The following PTPRD variants were observed in gnomAD, a reference collection of about 807,000 sequenced individuals.
The protein encoded by PTPRD is receptor-type tyrosine-protein phosphatase delta.
Under a neutral mutation model 214.5 loss-of-function variants are expected in PTPRD, and 34 were observed. The observed-to-expected ratio is 0.16, with a 90% CI of 0.12 to 0.21. The LOEUF is 0.21. PTPRD is among the 10% of genes least tolerant of loss of function. The pLI is 1.00. For synonymous variants in PTPRD, 1,128 were observed against 845.7 expected (o/e 1.33, Z -5.79); for missense variants, 2,545 against 2,398.7 (o/e 1.06, Z -1.27).
intron 34 of PTPRD, among the ~76,000 whole-genome samples, chr9:8,447,573 T>C (rs1415720357): frequency 6.6e-6 from 1 of 152,178 alleles, no homozygotes; most frequent in African/African-American, 2.4e-5. Context: ...GTTGAAGACA[T>C]TCCTATTCTC....
intron 9 of PTPRD, among the ~76,000 whole-genome samples, chr9:9,345,535 G>A (rs2048457070): frequency 1.3e-5 from 2 of 152,016 alleles, no homozygotes; most frequent in South Asian, 2.1e-4. Flanking sequence ...TCATGATGTA[G>A]TATATTTTTT....
At chr9:9,350,284 A>G (rs1286962434) in intron 9 of PTPRD, among the ~76,000 whole-genome samples, 1 of 152,142 alleles carries the variant, frequency 6.6e-6, no homozygotes, top group Admixed American at 6.6e-5. Flanking sequence ...AAAGCTCAGA[A>G]GCAAATAAGC....
chr9:10,384,145 T>C (rs1435924229), intron 2 of PTPRD, among the ~76,000 whole-genome samples: 2 of 151,422 alleles, frequency 1.3e-5, no homozygotes, highest in Non-Finnish European at 2.9e-5. Flanking sequence ...CAATAATAAT[T>C]TATTCATACA....
At chr9:9,726,511 G>A (rs1000543283) in intron 7 of PTPRD, among the ~76,000 whole-genome samples, 4 of 152,116 alleles carry the variant, frequency 2.6e-5, no homozygotes, top group Non-Finnish European at 4.4e-5. Flanking sequence ...AAGATGCTAT[G>A]TTATTCTTTA....
chr9:9,275,136 AAT>A (rs1432356074), intron 9 of PTPRD, among the ~76,000 whole-genome samples: 1,368 of 51,232 alleles, frequency 0.027, 26 homozygotes, highest in Non-Finnish European at 0.031. Context: ...TATTATATAT[AAT>A]ATATATATAA....
intron 39 of PTPRD, among the ~76,000 whole-genome samples, chr9:8,354,414 C>T (rs1057087316): frequency 3.9e-5 from 6 of 152,088 alleles, no homozygotes; most frequent in Non-Finnish European, 5.9e-5. Flanking sequence ...AACACCAATA[C>T]GAAAAATTTA....
chr9:9,902,890 A>G (rs2076725549), intron 5 of PTPRD, among the ~76,000 whole-genome samples: 1 of 152,108 alleles, frequency 6.6e-6, no homozygotes, highest in East Asian at 1.9e-4. Context: ...AACATTTTCT[A>G]CATTTTTTTG....
chr9:10,431,744 T>C (rs548132276), intron 2 of PTPRD, among the ~76,000 whole-genome samples: 217 of 152,196 alleles, frequency 1.4e-3, no homozygotes, highest in African/African-American at 4.8e-3. Context: ...AGATACCATC[T>C]CACACCAGTT....
At chr9:9,828,734 G>C (rs1380234335) in intron 5 of PTPRD, among the ~76,000 whole-genome samples, 7 of 146,730 alleles carry the variant, frequency 4.8e-5, no homozygotes, top group African/African-American at 1.3e-4. Flanking sequence ...TTTTTACTTT[G>C]CTTGTAGTTA....
At chr9:9,755,457 A>C (rs764273947) in intron 6 of PTPRD, among the ~76,000 whole-genome samples, 3 of 152,182 alleles carry the variant, frequency 2.0e-5, no homozygotes, top group Non-Finnish European at 4.4e-5. Context: ...AGAGCTCCTC[A>C]AACTCTTCCT....
At chr9:9,039,842 T>C (rs1245174362) in intron 10 of PTPRD, among the ~76,000 whole-genome samples, 1 of 152,142 alleles carries the variant, frequency 6.6e-6, no homozygotes, top group African/African-American at 2.4e-5. Flanking sequence ...ACCTTCTGTG[T>C]AGACTAACAA....
chr9:9,872,545 G>A (rs2065765245), intron 5 of PTPRD, among the ~76,000 whole-genome samples: 1 of 152,068 alleles, frequency 6.6e-6, no homozygotes, highest in South Asian at 2.1e-4. Context: ...AGGCTATAGT[G>A]AGTCACTGTA....
chr9:9,685,569 C>T (rs2097152260), intron 7 of PTPRD, among the ~76,000 whole-genome samples: 2 of 151,220 alleles, frequency 1.3e-5, no homozygotes, highest in Non-Finnish European at 3.0e-5. Flanking sequence ...AAAAATAAAT[C>T]TTAACAACCA....
intron 21 of PTPRD, among the ~76,000 whole-genome samples, chr9:8,515,092 T>C (rs2097761076): frequency 6.6e-6 from 1 of 152,194 alleles, no homozygotes; most frequent in African/African-American, 2.4e-5. Context: ...CAGTCATGGG[T>C]ATCTCTTTAT....
At chr9:8,661,229 T>A (rs888121343) in intron 12 of PTPRD, among the ~76,000 whole-genome samples, 2 of 152,094 alleles carry the variant, frequency 1.3e-5, no homozygotes, top group Non-Finnish European at 2.9e-5. Flanking sequence ...AACCTTATTA[T>A]AATGGTCAGA....
chr9:9,713,976 C>G (rs940991927), intron 7 of PTPRD, among the ~76,000 whole-genome samples: 1 of 151,334 alleles, frequency 6.6e-6, no homozygotes, highest in Non-Finnish European at 1.5e-5. Context: ...TAGACACCAG[C>G]AAGCTGGTTT....
chr9:9,655,690 G>T (rs1267205823), intron 7 of PTPRD, among the ~76,000 whole-genome samples: 1 of 151,820 alleles, frequency 6.6e-6, no homozygotes, highest in South Asian at 2.1e-4. Flanking sequence ...TAAAATAAAT[G>T]AAAAGAGCTG....
chr9:9,082,225 C>T (rs1380821127), intron 10 of PTPRD, among the ~76,000 whole-genome samples: 3 of 151,738 alleles, frequency 2.0e-5, no homozygotes, highest in African/African-American at 4.8e-5. Context: ...ACTGGCAAAC[C>T]GAATCCAGCA....
At chr9:10,471,936 C>T (rs987451238) in intron 2 of PTPRD, among the ~76,000 whole-genome samples, 3 of 151,910 alleles carry the variant, frequency 2.0e-5, no homozygotes, top group African/African-American at 4.8e-5. Context: ...GTCACAAGGC[C>T]CGACAATTCA....
Sources: gnomAD v4.1 joint callset for allele counts (sites outside exome capture counted in the v4.1 genomes callset) on GRCh38, gnomAD v4.1.1 for gene constraint, MANE v1.5 for transcripts, NCBI Gene and HGNC (gene_info 2026-07-23, HGNC 2026-07-21) for gene names.